ZFYVE16: variants seen among roughly 807,000 people sequenced by gnomAD.
ZFYVE16 encodes the protein zinc finger FYVE domain-containing protein 16.
ZFYVE16 carries 89 observed loss-of-function variants against 138.1 expected under a neutral mutation model. That is an observed-to-expected ratio of 0.64 (90% CI 0.54 to 0.77). The LOEUF (loss-of-function observed/expected upper bound fraction) is 0.77, where lower values mean the gene tolerates loss of function less well. ZFYVE16 is among the 30% of genes least tolerant of loss of function. The pLI is 0.00. For synonymous variants in ZFYVE16, 596 were observed against 618.3 expected (o/e 0.96, Z 0.53); for missense variants, 1,793 against 1,786.7 (o/e 1.00, Z -0.06).
At chr5:80,408,846 C>T (rs964499697) in intron 1 of ZFYVE16, among the ~76,000 whole-genome samples, 3 of 152,176 alleles carry the variant, frequency 2.0e-5, no homozygotes, top group African/African-American at 7.2e-5. Flanking sequence ...TTAAGTTAAT[C>T]TTTTCAATTC....
chr5:80,449,540 C>A, intron 8 of ZFYVE16, 51 bp from the exon 9 acceptor site: 2 of 1,538,738 alleles, frequency 1.3e-6, no homozygotes, highest in Non-Finnish European at 1.7e-6. Context: ...CATTTGTAAG[C>A]ATATTTAACA....
At chr5:80,475,809 G>A (rs1334263283) in intron 18 of ZFYVE16, among the ~76,000 whole-genome samples, 3 of 152,132 alleles carry the variant, frequency 2.0e-5, no homozygotes, top group Non-Finnish European at 2.9e-5. Flanking sequence ...TTACATAAGC[G>A]TAAGTATATC....
rs201166773 is a variant in ZFYVE16, at chr5:80,448,220, A to C, written c.2919A>C (p.Ala973=). The part of the protein sequence containing the change: ...GSFTLDDDVF[A]ETEEPSSPTG... ...TTACACTAGATGATGATGTTTTTGC[A>C]GAAACTGAAGAACCATCTAGTCCTA... The change falls in exon 8 of 19, where the codon GCA becomes GCC. Residue 973 remains alanine (A), a synonymous_variant. Coordinates refer to ENST00000505560, the MANE Select transcript of ZFYVE16 (RefSeq NM_001284236.3). 33 of 1,613,896 alleles carry C rather than the reference A, an allele frequency of 2.0e-5. No individual in the cohort carries two copies. The highest frequency in any genetic ancestry group is 2.7e-5 in the African/African-American group (2 of 75,046).
At chr5:80,422,287 T>C (rs1047198003) in intron 1 of ZFYVE16, among the ~76,000 whole-genome samples, 1 of 152,220 alleles carries the variant, frequency 6.6e-6, no homozygotes, top group African/African-American at 2.4e-5. Flanking sequence ...ATAGGAGTCA[T>C]GAGAGAAGAT....
chr5:80,451,514 A>G lies in ZFYVE16; in HGVS notation c.3412A>G (p.Thr1138Ala), dbSNP rs1353060284. The G allele has an allele frequency of 2.5e-6, 4 of 1,612,770 alleles. No individual in the cohort carries two copies. The Admixed American group carries it at 5.0e-5, about 20-fold the overall frequency. Residue 1138 changes from threonine to alanine, a missense_variant, in exon 11 of 19, where the codon ACC (threonine) becomes GCC (alanine). Around this residue, in one of 2 missense-constraint regions of ZFYVE16, gnomAD observed 498 missense variants for 582.4 expected, o/e 0.86. Transcript: ENST00000505560. ...ATACATAGAAAACTTGGACAATATT[A>G]CCTTTACTGAGAGTTTTCTCAGTAG... ...GKYIENLDNI[T>A]FTESFLSSKD...
In ZFYVE16 at chr5:80,455,414, A is replaced by G. The variant is rs571015103; in HGVS notation, c.3608-278A>G. The G allele has an allele frequency of 9.3e-5, 31 of 335,010 alleles. No homozygotes were observed. The Admixed American group carries it at 1.2e-3, about 13-fold the overall frequency. 20.8% of individuals were successfully genotyped at this position (335,010 alleles called of 1,614,324 possible). The stretch of plus-strand genomic sequence containing the variant: ...CCAGGTGTTGTGGCACATGCCTATA[A>G]TCCCAGCTACTTGGGAGGCTGAGGC... On this transcript the variant is annotated intron_variant, in intron 11 of 18. Coordinates refer to ENST00000505560, the MANE Select transcript of ZFYVE16 (RefSeq NM_001284236.3).
In ZFYVE16 at chr5:80,482,755, A is replaced by G. The variant is rs955095445; in HGVS notation, c.*5378A>G. On this transcript the variant is annotated 3_prime_UTR_variant, in exon 19 of 19. Coordinates refer to ENST00000505560, the MANE Select transcript of ZFYVE16 (RefSeq NM_001284236.3). ...TTCTCATCAGAAACCATGGAGCAAC[A>G]TTTATAAAGTGCTTTTAAAAAGCAA... 6.6e-6 allele frequency: 1 copy of G among 152,244 alleles called. No individual in the cohort carries two copies. Among genetic ancestry groups the G allele is most frequent in the Non-Finnish European group, 1.5e-5 (1 of 68,040 alleles). 9.4% of individuals were successfully genotyped at this position (152,244 alleles called of 1,614,324 possible). A position where few individuals can be genotyped will look rare whatever the true frequency, so the allele number is the denominator to read the frequency against.
Position 80,478,774 on chromosome 5 carries a change from GT to G in ZFYVE16, c.*1400del, listed in dbSNP as rs1755128184. On this transcript the variant is annotated 3_prime_UTR_variant, in exon 19 of 19. Transcript: ENST00000505560. ...GAATTTTAATCAGTTTGGGCATATA[GT>G]TTGGACTGAATCACATCTGTAGTAC... is the stretch of plus-strand genomic sequence containing the variant. 4 of 152,222 alleles carry G rather than the reference GT, an allele frequency of 2.6e-5. No individual in the cohort carries two copies. The highest frequency in any genetic ancestry group is 4.2e-4 in the South Asian group (2 of 4,818). 9.4% of individuals were successfully genotyped at this position (152,222 alleles called of 1,614,324 possible).
chr5:80,476,348 G>C (rs1313320899), intron 18 of ZFYVE16, among the ~76,000 whole-genome samples: 1 of 152,148 alleles, frequency 6.6e-6, no homozygotes, highest in Non-Finnish European at 1.5e-5. Context: ...TTGTTAAATA[G>C]ATGGGGTTTC....
intron 7 of ZFYVE16, among the ~76,000 whole-genome samples, chr5:80,445,786 T>G (rs908284488): frequency 6.6e-6 from 1 of 151,548 alleles, no homozygotes; most frequent in Non-Finnish European, 1.5e-5. Flanking sequence ...AGAGATGTGG[T>G]CTCACTATTT....
At chr5:80,435,771 C>T (rs1339148030) in intron 3 of ZFYVE16, 5 of 433,844 alleles carry the variant, frequency 1.2e-5, no homozygotes, top group South Asian at 4.9e-5. Context: ...GATGGGGTCT[C>T]ACTGTGTTGC....
intron 2 of ZFYVE16, among the ~76,000 whole-genome samples, chr5:80,433,536 C>T (rs71636228): frequency 0.069 from 10,433 of 151,618 alleles, 493 homozygotes; most frequent in Non-Finnish European, 0.11. Flanking sequence ...TGTATACATA[C>T]GTTAACAAAC....
intron 5 of ZFYVE16, chr5:80,441,656 C>T (rs1284437912): frequency 1.0e-6 from 1 of 972,942 alleles, no homozygotes; most frequent in Non-Finnish European, 1.2e-6. Context: ...GAAAGCTGTC[C>T]TGAGATTATG....
rs759947149 is a variant in ZFYVE16, at chr5:80,438,641, G to A, written c.1956G>A (p.Leu652=). 3 of 1,613,916 alleles carry A rather than the reference G, an allele frequency of 1.9e-6. No homozygotes were observed. In the African/African-American group the frequency reaches 4.0e-5, roughly 22 times the overall value. Residue 652 remains leucine (L), a synonymous_variant, in exon 4 of 19, where the codon TTG becomes TTA. Transcript: ENST00000505560. The part of the protein sequence containing the change: ...QSVGGARPKQ[L]FSLPSRTRSS... ...TTGGAGGGGCCAGACCTAAGCAATT[G>A]TTTAGCCTTCCATCAAGAACAAGGA...
intron 18 of ZFYVE16, among the ~76,000 whole-genome samples, chr5:80,475,833 C>G (rs1180408835): frequency 1.3e-5 from 2 of 152,150 alleles, no homozygotes; most frequent in Non-Finnish European, 2.9e-5. Flanking sequence ...AAGAAAAATT[C>G]TGAGTAGAAT....
intron 1 of ZFYVE16, among the ~76,000 whole-genome samples, chr5:80,415,657 G>A (rs1289908693): frequency 6.6e-6 from 1 of 151,980 alleles, no homozygotes; most frequent in Non-Finnish European, 1.5e-5. Context: ...CATACTGTCA[G>A]TGTGACTTGC....
intron 1 of ZFYVE16, among the ~76,000 whole-genome samples, chr5:80,419,588 A>G (rs1447184540): frequency 6.6e-6 from 1 of 151,676 alleles, no homozygotes; most frequent in Non-Finnish European, 1.5e-5. Context: ...CATGTTGGCC[A>G]GGCTGGTCTC....
At chr5:80,435,866 T>C (rs1435247825) in intron 3 of ZFYVE16, 3 of 216,710 alleles carry the variant, frequency 1.4e-5, no homozygotes, top group African/African-American at 7.1e-5. Flanking sequence ...TAAGCCACCA[T>C]TCCTGGCCAC....
chr5:80,452,447 A>G (rs1420206762), intron 11 of ZFYVE16: 2 of 151,652 alleles, frequency 1.3e-5, no homozygotes, highest in Non-Finnish European at 2.9e-5. Context: ...AAAAAAAAAA[A>G]AAAAAAAAAA....
Sources: gnomAD v4.1 joint callset for allele counts (sites outside exome capture counted in the v4.1 genomes callset) on GRCh38, gnomAD v4.1.1 for gene constraint, gnomAD v4.1.1 regional missense constraint, MANE v1.5 for transcripts, NCBI Gene and HGNC (gene_info 2026-07-23, HGNC 2026-07-21) for gene names.